FGF12: variants seen among roughly 807,000 people sequenced by gnomAD.
FGF12 encodes the protein fibroblast growth factor 12B.
FGF12 carries 14 observed loss-of-function variants against 23.6 expected under a neutral mutation model. The observed-to-expected ratio is 0.59, with a 90% CI of 0.39 to 0.93. The LOEUF (loss-of-function observed/expected upper bound fraction) is 0.93. FGF12 is among the 40% of genes least tolerant of loss of function. The probability of loss-of-function intolerance (pLI) is 0.00; values close to 1 mark genes in which losing one functional copy is unlikely to be tolerated. For synonymous variants in FGF12, 62 were observed against 77.3 expected (o/e 0.80, Z 1.04); for missense variants, 175 against 217.8 (o/e 0.80, Z 1.24).
At chr3:192,561,153 T>C (rs951845340) in intron 2 of FGF12, among the ~76,000 whole-genome samples, 4 of 151,774 alleles carry the variant, frequency 2.6e-5, no homozygotes, top group African/African-American at 7.3e-5. Context: ...ATGCCATATA[T>C]ACACACACAC....
chr3:192,168,273 C>G (rs1357790710), intron 5 of FGF12, among the ~76,000 whole-genome samples: 2 of 152,072 alleles, frequency 1.3e-5, no homozygotes, highest in African/African-American at 4.8e-5. Context: ...GAGCATAATT[C>G]ATCAAACATT....
At chr3:192,203,010 A>C (rs1326041358) in intron 4 of FGF12, among the ~76,000 whole-genome samples, 1 of 152,200 alleles carries the variant, frequency 6.6e-6, no homozygotes, top group Non-Finnish European at 1.5e-5. Flanking sequence ...ATGCTAAAGC[A>C]TTTCATTGGC....
chr3:192,607,866 A>G (rs1714401950), intron 2 of FGF12, among the ~76,000 whole-genome samples: 1 of 149,592 alleles, frequency 6.7e-6, no homozygotes, highest in Non-Finnish European at 1.5e-5. Flanking sequence ...AAAAAAAAAA[A>G]AGAAGAAGAA....
At chr3:192,469,707 A>C (rs1378219520) in intron 2 of FGF12, among the ~76,000 whole-genome samples, 1 of 152,176 alleles carries the variant, frequency 6.6e-6, no homozygotes, top group African/African-American at 2.4e-5. Context: ...CCGTCCCCAC[A>C]ATGTTTGTAG....
chr3:192,716,629 A>T (rs1718875543), intron 2 of FGF12, among the ~76,000 whole-genome samples: 1 of 152,224 alleles, frequency 6.6e-6, no homozygotes, highest in South Asian at 2.1e-4. Flanking sequence ...CCCCATACAG[A>T]AGCAGAGGAA....
At chr3:192,224,069 G>C (rs577444171) in intron 4 of FGF12, among the ~76,000 whole-genome samples, 5 of 152,182 alleles carry the variant, frequency 3.3e-5, no homozygotes, top group South Asian at 2.1e-4. Context: ...GATTGCCTCA[G>C]GGTAGGGATT....
At chr3:192,215,596 C>A (rs1207475294) in intron 4 of FGF12, among the ~76,000 whole-genome samples, 1 of 152,304 alleles carries the variant, frequency 6.6e-6, no homozygotes, top group East Asian at 1.9e-4. Flanking sequence ...AGCTTCTCCA[C>A]AACACTCCTG....
intron 4 of FGF12, among the ~76,000 whole-genome samples, chr3:192,209,006 T>G (rs965265573): frequency 6.6e-6 from 1 of 152,228 alleles, no homozygotes; most frequent in African/African-American, 2.4e-5. Flanking sequence ...CTAATGTGTT[T>G]GATAACAACA....
chr3:192,314,589 C>A (rs1378860439), intron 4 of FGF12, among the ~76,000 whole-genome samples: 1 of 152,158 alleles, frequency 6.6e-6, no homozygotes, highest in African/African-American at 2.4e-5. Flanking sequence ...ATCAATGAAC[C>A]AATACCGATA....
intron 2 of FGF12, among the ~76,000 whole-genome samples, chr3:192,511,222 TACACACACACACAC>T (rs5855433): frequency 1.3e-5 from 2 of 149,560 alleles, no homozygotes; most frequent in African/African-American, 4.9e-5. Flanking sequence ...CAATTGTGTG[TACACACACACACAC>T]ACACACACAC....
Position 192,418,507 on chromosome 3 carries a change from G to C in FGF12, c.14-57969C>G, listed in dbSNP as rs114876282. On this transcript the variant is annotated intron_variant, in intron 2 of 5. Coordinates refer to ENST00000445105, the MANE Select transcript of FGF12 (RefSeq NM_004113.6). ...TTCCAATTATAGGTTAAAAGTGTTT[G>C]AGGGACACGAAGGATAGGGTAGGGA... 9.2e-3 allele frequency among the ~76,000 whole-genome samples: 1,402 copies of C among 152,256 alleles called. 14 individuals are homozygous for C. Among genetic ancestry groups the C allele is most frequent in the Non-Finnish European group, 0.015 (1,003 of 68,000 alleles).
At chr3:192,335,212 C>T (rs1321036488) in intron 4 of FGF12, 149 bp downstream of exon 4, 3 of 598,978 alleles carry the variant, frequency 5.0e-6, no homozygotes, top group African/African-American at 3.8e-5. Context: ...CTCTAAATTA[C>T]AAAACCTCAA....
At chr3:192,300,152 G>T (rs914731431) in intron 4 of FGF12, among the ~76,000 whole-genome samples, 1 of 152,116 alleles carries the variant, frequency 6.6e-6, no homozygotes, top group Non-Finnish European at 1.5e-5. Context: ...CACTGGTATC[G>T]CTGCTAATAG....
chr3:192,634,731 T>C (rs563080465), intron 2 of FGF12, among the ~76,000 whole-genome samples: 1 of 152,256 alleles, frequency 6.6e-6, no homozygotes, highest in African/African-American at 2.4e-5. Context: ...TTAAATGACT[T>C]TATAGAAACT....
At chr3:192,675,202 T>C (rs34162608) in intron 2 of FGF12, among the ~76,000 whole-genome samples, 33,225 of 151,884 alleles carry the variant, frequency 0.22, 4,112 homozygotes, top group African/African-American at 0.34. Flanking sequence ...CCCAGTACAC[T>C]GCGGCAACAG....
intron 2 of FGF12, among the ~76,000 whole-genome samples, chr3:192,654,588 C>A (rs1044039450): frequency 1.3e-5 from 2 of 152,206 alleles, no homozygotes; most frequent in Non-Finnish European, 2.9e-5. Context: ...AAATGATAGC[C>A]GAGTTAAGGA....
intron 4 of FGF12, among the ~76,000 whole-genome samples, chr3:192,270,786 GGGAA>G (rs57509999): frequency 0.06 from 9,065 of 149,842 alleles, 362 homozygotes; most frequent in South Asian, 0.089. Flanking sequence ...GAAGAAAAGT[GGGAA>G]GGAAGGAAGG....
intron 2 of FGF12, among the ~76,000 whole-genome samples, chr3:192,722,439 T>C (rs1047497675): frequency 1.3e-5 from 2 of 152,222 alleles, no homozygotes; most frequent in African/African-American, 2.4e-5. Context: ...GACTGTTCTA[T>C]ACCTTAAGTG....
intron 2 of FGF12, chr3:192,407,947 C>A: frequency 6.9e-7 from 1 of 1,446,024 alleles, no homozygotes; most frequent in South Asian, 1.3e-5. Context: ...TTCCCTTCCA[C>A]GGGGGTCCCG....
Sources: allele counts gnomAD v4.1 joint callset (sites outside exome capture counted in the v4.1 genomes callset), GRCh38; gene constraint gnomAD v4.1.1; transcripts MANE v1.5; gene names NCBI Gene and HGNC (gene_info 2026-07-23, HGNC 2026-07-21).